EXOC6: variants seen among roughly 807,000 people sequenced by gnomAD.
The protein encoded by EXOC6 is SEC15-like 1.
Under a neutral mutation model 112.5 loss-of-function variants are expected in EXOC6, and 60 were observed. The observed-to-expected ratio is 0.53, with a 90% CI of 0.43 to 0.66. EXOC6 has a LOEUF of 0.66. EXOC6 is among the 30% of genes least tolerant of loss of function. The pLI, the probability that EXOC6 is intolerant of heterozygous loss-of-function variation, is 0.00. For synonymous variants in EXOC6, 295 were observed against 308.0 expected, an observed-to-expected ratio of 0.96 and a Z score of 0.44; for missense variants, 855 against 957.1, an observed-to-expected ratio of 0.89 and a Z score of 1.41.
intron 1 of EXOC6, among the ~76,000 whole-genome samples, chr10:92,852,516 A>T (rs1847401034): frequency 6.6e-6 from 1 of 152,226 alleles, no homozygotes; most frequent in Non-Finnish European, 1.5e-5. Context: ...TATAAAATAC[A>T]TCTATATAAA....
intron 1 of EXOC6, among the ~76,000 whole-genome samples, chr10:92,879,266 A>T (rs1327468575): frequency 6.6e-6 from 1 of 152,190 alleles, no homozygotes; most frequent in Non-Finnish European, 1.5e-5. Flanking sequence ...AGGACCCCTC[A>T]AGACTAGCCT....
chr10:93,043,182 G>A (rs537956243), intron 20 of EXOC6, among the ~76,000 whole-genome samples: 30 of 152,004 alleles, frequency 2.0e-4, no homozygotes, highest in Admixed American at 5.9e-4. Flanking sequence ...TGATCCACCC[G>A]CCTCGGCCTC....
intron 8 of EXOC6, among the ~76,000 whole-genome samples, chr10:92,921,794 T>C (rs1851460599): frequency 6.6e-6 from 1 of 151,708 alleles, no homozygotes; most frequent in Non-Finnish European, 1.5e-5. Context: ...GACTACAGGC[T>C]CATGCCACCA....
At chr10:92,962,673 G>C (rs1854075571) in intron 17 of EXOC6, among the ~76,000 whole-genome samples, 1 of 152,160 alleles carries the variant, frequency 6.6e-6, no homozygotes, top group African/African-American at 2.4e-5. Context: ...GATTACACGT[G>C]TAAGCCGCTG....
intron 1 of EXOC6, among the ~76,000 whole-genome samples, chr10:92,839,852 C>T (rs2246382): frequency 0.25 from 31,878 of 130,046 alleles, 4,596 homozygotes; most frequent in Non-Finnish European, 0.33. Context: ...GGCTGTGGGG[C>T]GGGGGTGGAT....
At chr10:92,908,309 C>T (rs1356020423) in intron 5 of EXOC6, among the ~76,000 whole-genome samples, 1 of 152,024 alleles carries the variant, frequency 6.6e-6, no homozygotes, top group Non-Finnish European at 1.5e-5. Context: ...CCCACCTTAG[C>T]CTCCCAAAGT....
intron 14 of EXOC6, 113 bp from the exon 15 acceptor site, chr10:92,952,160 T>C (rs1397989082): frequency 1.6e-6 from 1 of 628,600 alleles, no homozygotes; most frequent in Admixed American, 3.1e-5. Flanking sequence ...ACAGAGTTTT[T>C]GATGCAGGTA....
intron 20 of EXOC6, among the ~76,000 whole-genome samples, chr10:93,014,566 A>G (rs928842876): frequency 7.2e-5 from 11 of 152,172 alleles, no homozygotes; most frequent in East Asian, 1.9e-4. Context: ...TTGATGTTCA[A>G]ATTATTTCTT....
chr10:92,875,625 TTCTTTATAG>T, intron 1 of EXOC6, among the ~76,000 whole-genome samples: 1 of 152,300 alleles, frequency 6.6e-6, no homozygotes, highest in East Asian at 1.9e-4. Context: ...AACACAAACT[TTCTTTATAG>T]AAAAACTTAA....
chr10:92,942,017 C>T (rs988677428), intron 13 of EXOC6, among the ~76,000 whole-genome samples: 7 of 152,058 alleles, frequency 4.6e-5, no homozygotes, highest in South Asian at 2.1e-4. Context: ...AATAAAAGTA[C>T]GTTAGATGAT....
intron 19 of EXOC6, among the ~76,000 whole-genome samples, chr10:93,000,729 A>G (rs928597627): frequency 7.9e-5 from 12 of 152,324 alleles, no homozygotes; most frequent in African/African-American, 2.9e-4. Context: ...TGCATTTACT[A>G]CTGATGGGAC....
intron 13 of EXOC6, among the ~76,000 whole-genome samples, chr10:92,941,314 A>G (rs1852654367): frequency 6.6e-6 from 1 of 152,194 alleles, no homozygotes; most frequent in Non-Finnish European, 1.5e-5. Flanking sequence ...CATTTTGTTT[A>G]TCAGTTCATC....
intron 18 of EXOC6, among the ~76,000 whole-genome samples, chr10:92,978,129 G>T (rs1216119873): frequency 6.6e-6 from 1 of 152,132 alleles, no homozygotes; most frequent in Non-Finnish European, 1.5e-5. Context: ...AGAAAAGTGG[G>T]CTGGGTACGT....
At chr10:93,016,301 T>A (rs78867128) in intron 20 of EXOC6, among the ~76,000 whole-genome samples, 6,343 of 69,532 alleles carry the variant, frequency 0.091, 292 homozygotes, top group African/African-American at 0.26. Context: ...GCCTGGCTCA[T>A]TTTTTTTTTT....
At chr10:92,857,910 GT>G (rs1055921697) in intron 1 of EXOC6, among the ~76,000 whole-genome samples, 3 of 147,968 alleles carry the variant, frequency 2.0e-5, no homozygotes, top group East Asian at 2.1e-4. Flanking sequence ...ACTATTTCCT[GT>G]TTTTTTTGTT....
intron 20 of EXOC6, among the ~76,000 whole-genome samples, chr10:93,030,975 T>TA (rs1159060432): frequency 1.3e-5 from 2 of 152,222 alleles, no homozygotes; most frequent in African/African-American, 4.8e-5. Flanking sequence ...ACAGTATTAC[T>TA]ATTTAGTGTA....
chr10:92,930,172 A>G (rs1258657088), intron 9 of EXOC6, among the ~76,000 whole-genome samples: 2 of 152,150 alleles, frequency 1.3e-5, no homozygotes, highest in South Asian at 2.1e-4. Flanking sequence ...AGATTCACCA[A>G]TATCATATTC....
At chr10:92,920,125 A>C (rs1358398754) in intron 8 of EXOC6, 75 bp downstream of exon 8, 2 of 865,032 alleles carry the variant, frequency 2.3e-6, no homozygotes, top group Non-Finnish European at 3.5e-6. Flanking sequence ...AGGCCCTAAA[A>C]ATTGATCATA....
At chr10:92,946,464 T>C (rs1853015294) in intron 13 of EXOC6, among the ~76,000 whole-genome samples, 5 of 152,224 alleles carry the variant, frequency 3.3e-5, no homozygotes, top group Admixed American at 2.0e-4. Flanking sequence ...GTTGCAGCTT[T>C]AATTCAGATC....
Sources: allele counts gnomAD v4.1 joint callset (sites outside exome capture counted in the v4.1 genomes callset), GRCh38; gene constraint gnomAD v4.1.1; transcripts MANE v1.5; gene names NCBI Gene and HGNC (gene_info 2026-07-23, HGNC 2026-07-21).